Variants in MAST4 observed in about 807,000 individuals in gnomAD.
The protein encoded by MAST4 is microtubule-associated serine/threonine-protein kinase 4.
Under a neutral mutation model 162.7 loss-of-function variants are expected in MAST4, and 89 were observed. The observed-to-expected ratio is 0.55, with a 90% CI of 0.46 to 0.65. The LOEUF is 0.65. Among genes scored for constraint, MAST4 ranks in the 30% least tolerant of loss-of-function variants. The pLI is 0.00. For synonymous variants in MAST4, 1,479 were observed against 1,361.1 expected (o/e 1.09, Z -1.91); for missense variants, 3,153 against 3,374.0 (o/e 0.93, Z 1.62).
At chr5:66,840,770 A>G (rs1375505070) in intron 3 of MAST4, among the ~76,000 whole-genome samples, 3 of 152,178 alleles carry the variant, frequency 2.0e-5, no homozygotes, top group Non-Finnish European at 4.4e-5. Flanking sequence ...GGGTCCCAGA[A>G]CAAACCTCTG....
At position 66,900,509 on chromosome 5, in the gene MAST4, A is replaced by G. The variant is rs550009372; in HGVS notation, c.674+527A>G. On this transcript the variant is annotated intron_variant, in intron 4 of 28. Transcript: ENST00000403625. ...ACTTGATTTCTTTATAGTGTGTTTT[A>G]TTCTTTTATTTTTAAGGCCAATAAT... 3.3e-5 allele frequency among the ~76,000 whole-genome samples: 5 copies of G among 152,178 alleles called. No individual in the cohort carries two copies. The South Asian group carries it at 1.0e-3, about 32-fold the overall frequency.
At chr5:66,630,759 G>C (rs1193031849) in intron 1 of MAST4, among the ~76,000 whole-genome samples, 1 of 152,136 alleles carries the variant, frequency 6.6e-6, no homozygotes, top group Non-Finnish European at 1.5e-5. Context: ...TCCCAGCAGA[G>C]AACATAAGTA....
intron 3 of MAST4, among the ~76,000 whole-genome samples, chr5:66,837,890 A>ATTTTT (rs1758117796): frequency 3.6e-5 from 1 of 28,072 alleles, no homozygotes; most frequent in African/African-American, 1.7e-4. Context: ...ATATATATAT[A>ATTTTT]TATATTTTTT....
At chr5:66,819,062 G>A (rs1297338460) in intron 3 of MAST4, among the ~76,000 whole-genome samples, 2 of 152,194 alleles carry the variant, frequency 1.3e-5, no homozygotes, top group African/African-American at 2.4e-5. Context: ...ACCGTGTGAT[G>A]TGATAGAGTC....
At chr5:67,007,328 T>C (rs1178834874) in intron 4 of MAST4, among the ~76,000 whole-genome samples, 1 of 152,166 alleles carries the variant, frequency 6.6e-6, no homozygotes, top group African/African-American at 2.4e-5. Context: ...ACCTTTCTGT[T>C]CGCAAGTTGT....
chr5:67,062,437 A>C (rs1446455872), intron 5 of MAST4, among the ~76,000 whole-genome samples: 1 of 152,144 alleles, frequency 6.6e-6, no homozygotes, highest in Non-Finnish European at 1.5e-5. Flanking sequence ...CCCTGAGTGA[A>C]ATATTGCCTT....
intron 1 of MAST4, among the ~76,000 whole-genome samples, chr5:66,598,677 C>G (rs1742357910): frequency 1.3e-5 from 2 of 152,204 alleles, no homozygotes; most frequent in Non-Finnish European, 2.9e-5. Context: ...GGGGTGTACC[C>G]TAACTTAATG....
intron 2 of MAST4, among the ~76,000 whole-genome samples, chr5:66,783,876 AGCAATGGGT>A (rs1754990170): frequency 1.3e-5 from 2 of 152,122 alleles, no homozygotes; most frequent in African/African-American, 4.8e-5. Context: ...TGTGTTCCCC[AGCAATGGGT>A]GCTGGTTCTG....
chr5:66,774,829 A>T (rs574449202), intron 2 of MAST4, among the ~76,000 whole-genome samples: 2 of 152,340 alleles, frequency 1.3e-5, no homozygotes, highest in East Asian at 3.9e-4. Context: ...AAATGTAGGT[A>T]TGCATCCTGT....
rs1322798531 is a variant in MAST4 at position 66,596,678 on chromosome 5, C to T, written c.23C>T (p.Ala8Val). ...GAAATGGGGGAGAAAGTTTCGGAGG[C>T]GCCAGAGCCGGTGCCCCGCGGCTGC... MGEKVSEAPEPVPRGCSG... is the reference protein window; with the variant it reads MGEKVSEVPEPVPRGCSG... The change falls in exon 1 of 29, where the codon GCG (alanine) becomes GTG (valine). Residue 8 changes from alanine (A) to valine (V), a missense_variant. Coordinates refer to ENST00000403625, the MANE Select transcript of MAST4 (RefSeq NM_001164664.2). 7 of 1,466,314 alleles carry T rather than the reference C, an allele frequency of 4.8e-6. No individual in the cohort carries two copies. Among genetic ancestry groups the T allele is most frequent in the Non-Finnish European group, 6.3e-6 (7 of 1,110,676 alleles). The allele number at this position is 1,466,314 out of a possible 1,614,324, so 90.8% of individuals were successfully genotyped here. A position where few individuals can be genotyped will look rare whatever the true frequency, so the allele number is the denominator to read the frequency against.
intron 4 of MAST4, among the ~76,000 whole-genome samples, chr5:66,915,115 T>C (rs10060301): frequency 0.13 from 19,416 of 151,742 alleles, 1,519 homozygotes; most frequent in African/African-American, 0.2. Context: ...AATACAAAAA[T>C]TAGCCGGGCA....
chr5:66,913,105 T>C (rs987254755), intron 4 of MAST4, among the ~76,000 whole-genome samples: 13 of 152,208 alleles, frequency 8.5e-5, no homozygotes, highest in African/African-American at 2.9e-4. Context: ...TGCATTTCTC[T>C]CTTAAAAAAG....
chr5:66,713,038 A>G (rs532588373), intron 1 of MAST4, among the ~76,000 whole-genome samples: 6 of 152,302 alleles, frequency 3.9e-5, no homozygotes, highest in African/African-American at 1.4e-4. Context: ...CTCTCCACAT[A>G]TTCCCCCATG....
At chr5:66,651,946 T>C (rs1746249944) in intron 1 of MAST4, among the ~76,000 whole-genome samples, 3 of 152,202 alleles carry the variant, frequency 2.0e-5, no homozygotes, top group Admixed American at 1.3e-4. Flanking sequence ...TTTCTTTGTA[T>C]GTCTGTAATG....
intron 1 of MAST4, among the ~76,000 whole-genome samples, chr5:66,674,920 A>G (rs1408749309): frequency 6.6e-6 from 1 of 152,212 alleles, no homozygotes; most frequent in Non-Finnish European, 1.5e-5. Context: ...TGGAAAAACT[A>G]GAGAGCCACT....
chr5:66,936,719 A>G (rs1461936031), intron 4 of MAST4, among the ~76,000 whole-genome samples: 2 of 152,234 alleles, frequency 1.3e-5, no homozygotes, highest in African/African-American at 4.8e-5. Flanking sequence ...AGGCCTGACA[A>G]TCATGGGTTG....
At chr5:67,078,557 A>G (rs748188782) in intron 5 of MAST4, among the ~76,000 whole-genome samples, 2 of 149,038 alleles carry the variant, frequency 1.3e-5, no homozygotes, top group Non-Finnish European at 3.0e-5. Context: ...ATAGCAAAAC[A>G]TTATATTGTA....
intron 5 of MAST4, among the ~76,000 whole-genome samples, chr5:67,087,817 T>C (rs919844295): frequency 6.6e-6 from 1 of 152,204 alleles, no homozygotes; most frequent in Non-Finnish European, 1.5e-5. Flanking sequence ...CTGCGATTAG[T>C]AAGATAGAAC....
At chr5:67,098,695 T>TAC (rs1764710499) in intron 7 of MAST4, among the ~76,000 whole-genome samples, 1 of 152,200 alleles carries the variant, frequency 6.6e-6, no homozygotes, top group Non-Finnish European at 1.5e-5. Flanking sequence ...ACTAGCAGCA[T>TAC]AATTTTTTGT....
Sources: gnomAD v4.1 joint callset for allele counts (sites outside exome capture counted in the v4.1 genomes callset) on GRCh38, gnomAD v4.1.1 for gene constraint, MANE v1.5 for transcripts, NCBI Gene and HGNC (gene_info 2026-07-23, HGNC 2026-07-21) for gene names.